The following UNC13C variants were observed in gnomAD, a reference collection of about 807,000 sequenced individuals.
The protein encoded by UNC13C is unc-13 homolog C, also known as protein unc-13 homolog C.
A neutral mutation model predicts 245.4 loss-of-function variants in UNC13C; 174 were observed. That is an observed-to-expected ratio of 0.71 (90% CI 0.63 to 0.80). UNC13C has a LOEUF of 0.80. Among genes scored for constraint, UNC13C ranks in the 30% least tolerant of loss-of-function variants. The probability of loss-of-function intolerance (pLI) is 0.00; values close to 1 mark genes in which losing one functional copy is unlikely to be tolerated. For missense variants in UNC13C, 2,829 were observed against 2,602.9 expected (o/e 1.09, Z -1.89); for synonymous variants, 992 against 895.1 (o/e 1.11, Z -1.93).
intron 30 of UNC13C, among the ~76,000 whole-genome samples, chr15:54,595,732 G>T (rs1188282557): frequency 1.3e-5 from 2 of 152,218 alleles, no homozygotes; most frequent in South Asian, 2.1e-4. Flanking sequence ...TGGTTTTAGT[G>T]ATGCAATTGC....
chr15:54,068,539 G>C (rs775829473), intron 2 of UNC13C, among the ~76,000 whole-genome samples: 8 of 152,162 alleles, frequency 5.3e-5, no homozygotes, highest in Non-Finnish European at 1.2e-4. Context: ...TTGCCACAGA[G>C]ACTGCAAGGT....
At chr15:53,882,041 C>A in the UNC13C span, among the ~76,000 whole-genome samples, 1 of 152,224 alleles carries the variant, frequency 6.6e-6, no homozygotes, top group African/African-American at 2.4e-5. Context: ...ATATCCAGAA[C>A]GTGCATGATT....
intron 24 of UNC13C, among the ~76,000 whole-genome samples, chr15:54,515,111 A>G (rs1894913115): frequency 6.6e-6 from 1 of 152,202 alleles, no homozygotes; most frequent in African/African-American, 2.4e-5. Context: ...AACCACGAAG[A>G]AAAACTAACC....
intron 30 of UNC13C, among the ~76,000 whole-genome samples, chr15:54,618,097 TTCCC>T (rs1488735811): frequency 6.6e-6 from 1 of 152,168 alleles, no homozygotes; most frequent in Non-Finnish European, 1.5e-5. Flanking sequence ...AGACTGTTCA[TTCCC>T]TCACATAGCA....
At chr15:54,228,642 A>G (rs2035462743) in intron 4 of UNC13C, among the ~76,000 whole-genome samples, 1 of 152,134 alleles carries the variant, frequency 6.6e-6, no homozygotes, top group East Asian at 1.9e-4. Context: ...TGTGCCTAGA[A>G]CTGTTGTCTA....
At chr15:54,509,226 G>C (rs1377836975) in intron 23 of UNC13C, among the ~76,000 whole-genome samples, 2 of 152,038 alleles carry the variant, frequency 1.3e-5, no homozygotes, top group African/African-American at 4.8e-5. Context: ...AAAAAGATAT[G>C]ACCAAAACAT....
At chr15:53,948,461 A>T in the UNC13C span, 3 of 152,072 alleles carry the variant, frequency 2.0e-5, no homozygotes, top group Non-Finnish European at 2.9e-5. Context: ...CTCAAAATAC[A>T]AAATTAGCTG....
At chr15:54,614,025 T>C (rs983304819) in intron 30 of UNC13C, among the ~76,000 whole-genome samples, 5 of 152,140 alleles carry the variant, frequency 3.3e-5, no homozygotes, top group African/African-American at 9.6e-5. Context: ...GCACAAGTAG[T>C]TCCCCAGAGG....
chr15:54,049,196 T>C, intron 2 of UNC13C: 1 of 468,306 alleles, frequency 2.1e-6, no homozygotes. Context: ...AGAAAAAGAT[T>C]ATTTTTTCAT....
the UNC13C span, among the ~76,000 whole-genome samples, chr15:53,895,559 A>C: frequency 1.3e-5 from 2 of 152,172 alleles, no homozygotes; most frequent in African/African-American, 2.4e-5. Flanking sequence ...AAGATATCCC[A>C]GCTGAAGTAA....
intron 30 of UNC13C, among the ~76,000 whole-genome samples, chr15:54,578,115 T>C (rs548925798): frequency 6.6e-5 from 10 of 152,284 alleles, no homozygotes; most frequent in Admixed American, 1.3e-4. Flanking sequence ...TTTCTGGAAA[T>C]CTGAAATCAG....
intron 8 of UNC13C, among the ~76,000 whole-genome samples, chr15:54,259,459 A>T (rs2036366617): frequency 6.6e-6 from 1 of 152,204 alleles, no homozygotes; most frequent in Non-Finnish European, 1.5e-5. Context: ...AAAGAATAAG[A>T]AGCAAATGAA....
intron 8 of UNC13C, among the ~76,000 whole-genome samples, chr15:54,250,946 C>T (rs1444487813): frequency 2.0e-5 from 3 of 151,716 alleles, no homozygotes; most frequent in Non-Finnish European, 4.4e-5. Flanking sequence ...TTAGTAGAGA[C>T]GGGGTTTCAT....
At chr15:54,312,443 T>C (rs895131739) in intron 13 of UNC13C, among the ~76,000 whole-genome samples, 1 of 151,816 alleles carries the variant, frequency 6.6e-6, no homozygotes, top group Non-Finnish European at 1.5e-5. Context: ...TTAGCTTCTA[T>C]TGGTGAGTTT....
intron 4 of UNC13C, among the ~76,000 whole-genome samples, chr15:54,178,383 C>A (rs759711017): frequency 1.3e-5 from 2 of 151,952 alleles, no homozygotes; most frequent in South Asian, 2.1e-4. Context: ...GCTTAAAAAT[C>A]GATGGATATT....
chr15:54,134,391 T>C (rs190687240), intron 2 of UNC13C, among the ~76,000 whole-genome samples: 56 of 149,614 alleles, frequency 3.7e-4, no homozygotes, highest in Non-Finnish European at 7.1e-4. Context: ...ATGGCAGGAG[T>C]TTTTTCTTTT....
rs1901266015 is a variant in UNC13C, at chr15:54,627,582, A to G, written c.*469A>G. 6.5e-6 allele frequency: 1 copy of G among 153,100 alleles called. No individual in the cohort carries two copies. The highest frequency in any genetic ancestry group is 6.5e-5 in the Admixed American group (1 of 15,344). The allele number at this position is 153,100 out of a possible 1,614,324, so 9.5% of individuals were successfully genotyped here. On this transcript the variant is annotated 3_prime_UTR_variant, in exon 33 of 33. Coordinates refer to ENST00000260323, the MANE Select transcript of UNC13C (RefSeq NM_001080534.3). ...GCAGTCACTTCTAGAAAGCATTTGT[A>G]ATTTTATAGTCGCAGATATTGTGAT...
intron 13 of UNC13C, among the ~76,000 whole-genome samples, chr15:54,315,776 G>C (rs191500217): frequency 6.6e-6 from 1 of 151,594 alleles, no homozygotes. Context: ...CAGCTCACTT[G>C]GCAGAAGAAC....
intron 2 of UNC13C, among the ~76,000 whole-genome samples, chr15:54,110,782 G>T (rs1900730656): frequency 6.6e-6 from 1 of 152,062 alleles, no homozygotes; most frequent in Non-Finnish European, 1.5e-5. Flanking sequence ...TCCTTGAACA[G>T]AACTGATTGG....
Sources: gnomAD v4.1 joint callset for allele counts (sites outside exome capture counted in the v4.1 genomes callset) on GRCh38, gnomAD v4.1.1 for gene constraint, MANE v1.5 for transcripts, NCBI Gene and HGNC (gene_info 2026-07-23, HGNC 2026-07-21) for gene names.